Variants in ACLY observed in about 807,000 individuals in gnomAD.
The protein encoded by ACLY is ATP-citrate synthase.
ACLY carries 41 observed loss-of-function variants against 133.0 expected under a neutral mutation model. The observed-to-expected ratio is 0.31, with a 90% CI of 0.24 to 0.40. ACLY has a LOEUF of 0.40. ACLY is among the 10% of genes least tolerant of loss of function. ACLY has a pLI of 1.00. For synonymous variants in ACLY, 495 were observed against 549.3 expected (o/e 0.90, Z 1.38); for missense variants, 1,046 against 1,453.8 (o/e 0.72, Z 4.56).
chr17:41,882,294 G>A (rs1555627447), intron 20 of ACLY, among the ~76,000 whole-genome samples: 1 of 141,120 alleles, frequency 7.1e-6, no homozygotes, highest in Non-Finnish European at 1.5e-5. Context: ...TTGAACCCAG[G>A]AGGCGGAGGT....
At chr17:41,869,272 G>T in intron 26 of ACLY, 147 bp from the exon 27 acceptor site, 1 of 860,734 alleles carries the variant, frequency 1.2e-6, no homozygotes, top group Non-Finnish European at 1.9e-6. Flanking sequence ...GTCTGACTCA[G>T]TTCAATTCCC....
chr17:41,915,162 C>T (rs1316426175), intron 1 of ACLY, among the ~76,000 whole-genome samples: 1 of 152,130 alleles, frequency 6.6e-6, no homozygotes, highest in Non-Finnish European at 1.5e-5. Flanking sequence ...AGAATTTCAT[C>T]ATCTCCCCTC....
chr17:41,919,614 C>A (rs2050150509), upstream of ACLY, among the ~76,000 whole-genome samples: 1 of 152,246 alleles, frequency 6.6e-6, no homozygotes, highest in Non-Finnish European at 1.5e-5. Context: ...AGGGTGCAGG[C>A]ACAGCGCTGT....
intron 13 of ACLY, 124 bp downstream of exon 13, chr17:41,897,625 T>G (rs2049408306): frequency 2.2e-6 from 2 of 910,516 alleles, no homozygotes. Context: ...GCACTCCCAT[T>G]GCAAAACCCA....
chr17:41,911,133 C>T (rs962242568), intron 3 of ACLY, among the ~76,000 whole-genome samples: 8 of 152,180 alleles, frequency 5.3e-5, no homozygotes, highest in African/African-American at 1.9e-4. Flanking sequence ...TCAAGGATCC[C>T]GCTTTACCCA....
chr17:41,873,843 G>A lies in ACLY; in HGVS notation c.2610C>T (p.Gly870=), dbSNP rs2048662576. The A allele has an allele frequency of 6.3e-6, 10 of 1,590,304 alleles. No homozygotes were observed. The highest frequency in any genetic ancestry group is 7.7e-6 in the Non-Finnish European group (9 of 1,162,858). ...TEVFKEEMGI[G]GVLGLLWFQK... ...GGAACCAGAGGAGGCCGAGGACCCC[G>A]CCAATGCCCATCTCTTCCTTGAAGA... is the stretch of plus-strand genomic sequence containing the variant. The change falls in exon 23 of 29, where the codon GGC becomes GGT. Residue 870 remains glycine, a synonymous_variant. Transcript: ENST00000352035.
chr17:41,916,791 A>G (rs797042265), intron 1 of ACLY, among the ~76,000 whole-genome samples: 3 of 152,242 alleles, frequency 2.0e-5, no homozygotes, highest in African/African-American at 7.2e-5. Flanking sequence ...AATTGTGCAT[A>G]TTGTTTCAAG....
intron 3 of ACLY, 133 bp downstream of exon 3, chr17:41,912,287 G>A (rs986059101): frequency 1.2e-5 from 15 of 1,235,684 alleles, no homozygotes; most frequent in African/African-American, 7.5e-5. Context: ...GTGGGTCAGC[G>A]CCACAGGACT....
In ACLY at chr17:41,892,413, T is replaced by C; in HGVS notation, c.1636A>G (p.Lys546Glu). The change falls in exon 16 of 29, where the codon AAA becomes GAA. Residue 546 changes from lysine (K) to glutamate (E), a missense_variant. Physicochemically the swap from Lys to Glu is moderately conservative, Grantham distance 56. Coordinates refer to ENST00000352035, the MANE Select transcript of ACLY (RefSeq NM_001096.3). ...DHKQKFYWGH[K>E]EILIPVFKNM... ...TTGAAGACAGGGATCAGGATCTCTT[T>C]GTGCCCCCAGTAAAACTTCTGCTTG... is the stretch of plus-strand genomic sequence containing the variant. 1 of 1,613,862 alleles carries C rather than the reference T, an allele frequency of 6.2e-7. No individual in the cohort carries two copies. Among genetic ancestry groups the C allele is most frequent in the Non-Finnish European group, 8.5e-7 (1 of 1,179,956 alleles).
chr17:41,911,647 T>G (rs2049903766), intron 3 of ACLY, among the ~76,000 whole-genome samples: 1 of 150,482 alleles, frequency 6.6e-6, no homozygotes, highest in South Asian at 2.1e-4. Context: ...AGACCCTAAC[T>G]CTATAAAAAA....
At chr17:41,919,057 C>T, upstream of ACLY, 4 of 1,259,878 alleles carry the variant, frequency 3.2e-6, no homozygotes, top group Non-Finnish European at 4.1e-6. Context: ...CACACGCGTT[C>T]CCTAGCCTGA....
intron 8 of ACLY, among the ~76,000 whole-genome samples, chr17:41,905,994 G>A (rs1166037743): frequency 2.0e-5 from 3 of 152,190 alleles, no homozygotes; most frequent in African/African-American, 7.2e-5. Context: ...AAGAGAAAGT[G>A]TGCTGCAGCC....
chr17:41,927,726 G>A (rs782619095), intron 1 of ACLY, among the ~76,000 whole-genome samples: 8 of 151,918 alleles, frequency 5.3e-5, no homozygotes, highest in Non-Finnish European at 7.4e-5. Context: ...CTTGGGAGGC[G>A]GAGGCAGAAG....
intron 5 of ACLY, 25 bp from the exon 6 acceptor site, chr17:41,909,093 C>T (rs782773047): frequency 6.9e-6 from 11 of 1,583,110 alleles, no homozygotes; most frequent in Middle Eastern, 2.1e-4. Flanking sequence ...GAGAGAGGGA[C>T]AGTTCATCCA....
chr17:41,897,011 TC>T (rs1421398957), intron 13 of ACLY, among the ~76,000 whole-genome samples: 10 of 152,170 alleles, frequency 6.6e-5, no homozygotes, highest in African/African-American at 2.2e-4. Flanking sequence ...TTAATGCCAA[TC>T]CCTTTTTGTC....
intron 1 of ACLY, among the ~76,000 whole-genome samples, chr17:41,917,134 C>CAA (rs35545409): frequency 5.0e-3 from 265 of 52,618 alleles, no homozygotes; most frequent in Middle Eastern, 0.011. Flanking sequence ...GACTCTGTCT[C>CAA]AAAAAAAAAA....
chr17:41,888,947 C>T (rs2049127786), intron 16 of ACLY, among the ~76,000 whole-genome samples: 1 of 151,954 alleles, frequency 6.6e-6, no homozygotes, highest in Non-Finnish European at 1.5e-5. Context: ...GGAGAAAACC[C>T]ATCTCTCCTA....
chr17:41,904,606 C>T, intron 10 of ACLY, 123 bp downstream of exon 10: 1 of 887,570 alleles, frequency 1.1e-6, no homozygotes, highest in Non-Finnish European at 1.8e-6. Flanking sequence ...GGGGCAAGAG[C>T]TCCCTACCTG....
chr17:41,906,783 G>T, intron 7 of ACLY, 137 bp from the exon 8 acceptor site: 1 of 736,372 alleles, frequency 1.4e-6, no homozygotes. Flanking sequence ...GCTACGCAGG[G>T]CCCCACATGC....
Sources: gnomAD v4.1 joint callset for allele counts (sites outside exome capture counted in the v4.1 genomes callset) on GRCh38, gnomAD v4.1.1 for gene constraint, MANE v1.5 for transcripts, NCBI Gene and HGNC (gene_info 2026-07-23, HGNC 2026-07-21) for gene names.